Variants in CDC23 observed in about 807,000 individuals in gnomAD.
The protein encoded by CDC23 is cell division cycle protein 23 homolog.
In CDC23, 26 loss-of-function variants were observed where a neutral mutation model predicts 81.7. The observed-to-expected ratio is 0.32, with a 90% CI of 0.23 to 0.44. CDC23 has a LOEUF of 0.44. Ranked by LOEUF, CDC23 falls within the 20% of genes least tolerant of loss-of-function variation. The pLI is 1.00. For synonymous variants in CDC23, 267 were observed against 270.8 expected, an observed-to-expected ratio of 0.99 and a Z score of 0.14; for missense variants, 519 against 728.0, an observed-to-expected ratio of 0.71 and a Z score of 3.30.
chr5:138,207,382 C>A (rs995550181), intron 2 of CDC23, among the ~76,000 whole-genome samples: 1 of 152,134 alleles, frequency 6.6e-6, no homozygotes, highest in Non-Finnish European at 1.5e-5. Flanking sequence ...TACTTAGCTT[C>A]TCTTAGCATC....
intron 9 of CDC23, among the ~76,000 whole-genome samples, chr5:138,195,700 C>CAT (rs1156836438): frequency 4.2e-5 from 4 of 94,744 alleles, no homozygotes; most frequent in Admixed American, 1.5e-4. Flanking sequence ...AATATATATG[C>CAT]ATATATACAT....
At position 138,188,802 on chromosome 5, in the gene CDC23, G is replaced by T; in HGVS notation, c.*176C>A. ...AACTGGCAAGATAATGTCTGTTCCTGCCAGGATTCTGTCAGTTGGCCTCTG... is the reference window on the plus strand; with the variant it reads ...AACTGGCAAGATAATGTCTGTTCCTTCCAGGATTCTGTCAGTTGGCCTCTG... On this transcript the variant is annotated 3_prime_UTR_variant, in exon 16 of 16. Transcript: ENST00000394886. The T allele has an allele frequency of 1.9e-6, 1 of 520,206 alleles. No individual in the cohort carries two copies. Among genetic ancestry groups the T allele is most frequent in the Non-Finnish European group, 3.3e-6 (1 of 300,332 alleles). The allele number at this position is 520,206 out of a possible 1,614,324, so 32.2% of individuals were successfully genotyped here.
Position 138,206,651 on chromosome 5 carries a change from C to T in CDC23, c.268G>A (p.Ala90Thr). 6.2e-7 allele frequency: 1 copy of T among 1,613,892 alleles called. No homozygotes were observed. Among genetic ancestry groups the T allele is most frequent in the Non-Finnish European group, 8.5e-7 (1 of 1,179,942 alleles). Reference protein sequence around the residue: ...DAQDMDAYTLAKAYFDVKEYD... With the variant: ...DAQDMDAYTLTKAYFDVKEYD... ...TCTTTAACGTCAAAGTAGGCCTTGG[C>T]CAGGGTATAGGCATCCATATCCTGG... The change falls in exon 3 of 16, where the codon GCC becomes ACC. Residue 90 changes from alanine (A) to threonine (T), a missense_variant. Ala to Thr is a moderately conservative substitution (Grantham distance 58). This residue lies in a region of CDC23 where 126 missense variants were observed against 116.2 expected (regional missense o/e 1.08). Coordinates refer to ENST00000394886, the MANE Select transcript of CDC23 (RefSeq NM_004661.4).
Position 138,198,577 on chromosome 5 carries a change from T to C in CDC23, c.832+28A>G, listed in dbSNP as rs141659774. ...GCACAATGCACCTGTCAGGGTCTGA[T>C]AGTATTTCATTGTCTTTATTCACTC... On this transcript the variant is annotated intron_variant, in intron 7 of 15. Coordinates refer to ENST00000394886, the MANE Select transcript of CDC23 (RefSeq NM_004661.4). The C allele has an allele frequency of 5.7e-4, 921 of 1,613,048 alleles. 6 individuals carry two copies. The African/African-American group carries it at 0.011, about 20-fold the overall frequency.
rs755199316 is a variant in CDC23, at chr5:138,213,038, G to A, written c.187C>T (p.Pro63Ser). Residue 63 changes from proline to serine, a missense_variant, in exon 2 of 16, where the codon CCT becomes TCT. Coordinates refer to ENST00000394886, the MANE Select transcript of CDC23 (RefSeq NM_004661.4). ...TGCAGCTCGGCCAGAGGCAATGCAG[G>A]GAGAGAGAAAGCCAACTCCGCCGAC... ...KWSAELAFSLPALPLAELQPP... is the reference protein window; with the variant it reads ...KWSAELAFSLSALPLAELQPP... 8 of 1,613,742 alleles carry A rather than the reference G, an allele frequency of 5.0e-6. No individual in the cohort carries two copies. In the East Asian group the frequency reaches 1.1e-4, roughly 22 times the overall value.
chr5:138,200,830 A>G (rs1754980566), intron 6 of CDC23: 1 of 349,042 alleles, frequency 2.9e-6, no homozygotes, highest in South Asian at 4.8e-5. Flanking sequence ...AAACAAAAAC[A>G]AAAACAAGTC....
Position 138,204,504 on chromosome 5 carries a change from C to CA in CDC23, c.372+2042dup, listed in dbSNP as rs200166996. ...TGGGTGACAGAGAAAGACTCCATTT[C>CA]AAAAAAAAAAAAAAAAAGTACATAA... On this transcript the variant is annotated intron_variant, in intron 3 of 15. Transcript: ENST00000394886. Among the ~76,000 whole-genome samples the CA allele has an allele frequency of 5.7e-3, 600 of 106,064 alleles. 2 individuals are homozygous for CA. Among genetic ancestry groups the CA allele is most frequent in the Non-Finnish European group, 7.4e-3 (391 of 52,642 alleles). The allele number at this position is 106,064 out of a possible 152,430, so 69.6% of individuals were successfully genotyped here.
Position 138,190,050 on chromosome 5 carries a change from G to A in CDC23, c.1425-144C>T, listed in dbSNP as rs1269373107. The A allele has an allele frequency of 6.1e-6, 4 of 651,680 alleles. No homozygotes were observed. The African/African-American group carries it at 7.3e-5, about 12-fold the overall frequency. The allele number at this position is 651,680 out of a possible 1,614,324, so 40.4% of individuals were successfully genotyped here. A position where few individuals can be genotyped will look rare whatever the true frequency, so the allele number is the denominator to read the frequency against. On this transcript the variant is annotated intron_variant, in intron 13 of 15. Coordinates refer to ENST00000394886, the MANE Select transcript of CDC23 (RefSeq NM_004661.4). The stretch of plus-strand genomic sequence containing the variant: ...AAATGACACTCTTGGAACTAGAATA[G>A]TATTAGATGTGATAGTTACTGTTAT...
intron 2 of CDC23, among the ~76,000 whole-genome samples, chr5:138,208,901 C>T (rs1755082553): frequency 6.6e-6 from 1 of 152,140 alleles, no homozygotes; most frequent in Non-Finnish European, 1.5e-5. Context: ...TGATCCTCCT[C>T]CCACCTCAGC....
Position 138,198,760 on chromosome 5 carries a change from T to C in CDC23, c.677A>G (p.Asp226Gly). ...CAGAAAAAACTCTTTCATCCAGGTG[T>C]CTGGCAAAGACAGGAACTTCAGCTG... Reference protein sequence around the residue: ...KEMLKFLSLPDTWMKEFFLAH... With the variant: ...KEMLKFLSLPGTWMKEFFLAH... The change falls in exon 7 of 16, where the codon GAC becomes GGC. Residue 226 changes from aspartate (D) to glycine (G), a missense_variant. Coordinates refer to ENST00000394886, the MANE Select transcript of CDC23 (RefSeq NM_004661.4). 1 of 1,614,030 alleles carries C rather than the reference T, an allele frequency of 6.2e-7. No homozygotes were observed. The highest frequency in any genetic ancestry group is 8.5e-7 in the Non-Finnish European group (1 of 1,179,984).
chr5:138,195,731 TAC>T (rs1554107028), intron 9 of CDC23, among the ~76,000 whole-genome samples: 1 of 117,536 alleles, frequency 8.5e-6, no homozygotes, highest in Non-Finnish European at 1.7e-5. Flanking sequence ...TGTATATATA[TAC>T]ATATAATATA....
chr5:138,203,621 T>C (rs936684353), intron 3 of CDC23, among the ~76,000 whole-genome samples: 26 of 152,030 alleles, frequency 1.7e-4, no homozygotes, highest in African/African-American at 5.8e-4. Context: ...ATTGACAAGA[T>C]TGGAATTCGG....
intron 2 of CDC23, 47 bp from the exon 3 acceptor site, chr5:138,206,731 A>C (rs1300164236): frequency 6.5e-7 from 1 of 1,540,038 alleles, no homozygotes; most frequent in African/African-American, 1.4e-5. Context: ...TAGGACAACA[A>C]AACTTCAAAT....
At chr5:138,205,986 A>G (rs1227487072) in intron 3 of CDC23, 1 of 152,382 alleles carries the variant, frequency 6.6e-6, no homozygotes, top group Non-Finnish European at 1.5e-5. Flanking sequence ...CAAATAAGGG[A>G]TACTCAACCT....
intron 11 of CDC23, 69 bp from the exon 12 acceptor site, chr5:138,192,006 G>A: frequency 7.7e-7 from 1 of 1,290,446 alleles, no homozygotes. Context: ...TGAGGAACCA[G>A]TACACCACTA....
At chr5:138,191,834 A>G (rs1266248143) in intron 12 of CDC23, 28 bp downstream of exon 12, 2 of 1,579,364 alleles carry the variant, frequency 1.3e-6, no homozygotes, top group Admixed American at 1.7e-5. Flanking sequence ...ATTTCCACTC[A>G]AATTCTTCAG....
Position 138,195,590 on chromosome 5 carries a change from AAT to A in CDC23, c.1012+2607_1012+2608del, listed in dbSNP as rs1457895913. ...TATTTATATATAATATATTATATAT[AAT>A]ATATATTATATATGATATATTTATA... On this transcript the variant is annotated intron_variant, in intron 9 of 15. Transcript: ENST00000394886. Among the ~76,000 whole-genome samples the A allele has an allele frequency of 6.8e-5, 4 of 58,582 alleles. No homozygotes were observed. The East Asian group carries it at 2.1e-3, about 30-fold the overall frequency. The allele number at this position is 58,582 out of a possible 152,430, so 38.4% of individuals were successfully genotyped here.
rs373351271 is a variant in CDC23, at chr5:138,206,634, G to A, written c.285C>T (p.Asp95=). ...DAYTLAKAYF[D]VKEYDRAAHF... ...GTGCTGCCCGATCATACTCTTTAAC[G>A]TCAAAGTAGGCCTTGGCCAGGGTAT... is the stretch of plus-strand genomic sequence containing the variant. The change falls in exon 3 of 16, where the codon GAC becomes GAT. Residue 95 remains aspartate (D), a synonymous_variant. Coordinates refer to ENST00000394886, the MANE Select transcript of CDC23 (RefSeq NM_004661.4). The A allele has an allele frequency of 2.5e-5, 40 of 1,613,810 alleles. No individual in the cohort carries two copies. The highest frequency in any genetic ancestry group is 3.3e-5 in the Non-Finnish European group (39 of 1,179,916).
intron 9 of CDC23, 122 bp downstream of exon 9, chr5:138,198,077 A>C (rs1248325797): frequency 1.4e-6 from 1 of 704,700 alleles, no homozygotes; most frequent in Admixed American, 2.5e-5. Flanking sequence ...CTCCCGCCTC[A>C]GTCTCCTGAG....
Sources: allele counts gnomAD v4.1 joint callset (sites outside exome capture counted in the v4.1 genomes callset), GRCh38; gene constraint gnomAD v4.1.1; regional missense constraint gnomAD v4.1.1; transcripts MANE v1.5; gene names NCBI Gene and HGNC (gene_info 2026-07-23, HGNC 2026-07-21).